Variants in CSMD1 observed in about 807,000 individuals in gnomAD.
CSMD1 encodes CUB and Sushi multiple domains 1, also known as CUB and sushi domain-containing protein 1.
A neutral mutation model predicts 417.5 loss-of-function variants in CSMD1; 213 were observed. The ratio of observed to expected loss-of-function variants is 0.51; its 90% confidence interval spans 0.46 to 0.57. The LOEUF is 0.57. CSMD1 is among the 20% of genes least tolerant of loss of function. The pLI, the probability that CSMD1 is intolerant of heterozygous loss-of-function variation, is 0.00. For missense variants in CSMD1, 6,923 were observed against 4,529.7 expected, an observed-to-expected ratio of 1.53 and a Z score of -15.17; for synonymous variants, 2,862 against 1,736.8, an observed-to-expected ratio of 1.65 and a Z score of -16.11.
At chr8:3,073,228 A>C (rs755320175) in intron 49 of CSMD1, among the ~76,000 whole-genome samples, 7 of 152,254 alleles carry the variant, frequency 4.6e-5, no homozygotes, top group Non-Finnish European at 5.9e-5. Context: ...TGGACTTGGC[A>C]TAGGAAATCA....
intron 2 of CSMD1, among the ~76,000 whole-genome samples, chr8:4,578,682 G>T (rs972161839): frequency 6.6e-6 from 1 of 150,724 alleles, no homozygotes; most frequent in African/African-American, 2.4e-5. Flanking sequence ...GGACATGGTG[G>T]CAGGTCCTGT....
At chr8:3,971,976 G>A (rs1412971462) in intron 5 of CSMD1, among the ~76,000 whole-genome samples, 2 of 151,854 alleles carry the variant, frequency 1.3e-5, no homozygotes, top group African/African-American at 4.8e-5. Context: ...GGGTGATCCT[G>A]GCTCACTGCA....
At position 3,018,670 on chromosome 8, in the gene CSMD1, A is replaced by G; in HGVS notation, c.7856-20T>C. On this transcript the variant is annotated intron_variant, in intron 51 of 69. Transcript: ENST00000635120. ...AGATAACTAGAAGGAAAAACAATAA[A>G]ATGAACATCAATTCAGTTATGCAGA... 1.2e-6 allele frequency: 2 copies of G among 1,602,316 alleles called. No homozygotes were observed. Among genetic ancestry groups the G allele is most frequent in the Non-Finnish European group, 1.7e-6 (2 of 1,171,798 alleles).
chr8:4,006,451 G>A (rs185004141), intron 4 of CSMD1, among the ~76,000 whole-genome samples: 142 of 152,270 alleles, frequency 9.3e-4, no homozygotes, highest in Non-Finnish European at 1.1e-3. Flanking sequence ...GGCTGAGGCC[G>A]AAGAATCGCT....
intron 1 of CSMD1, among the ~76,000 whole-genome samples, chr8:4,987,455 A>C (rs1249501236): frequency 6.6e-6 from 1 of 152,196 alleles, no homozygotes; most frequent in Non-Finnish European, 1.5e-5. Context: ...CATGGTTTAT[A>C]ATTATCTGAA....
At chr8:3,968,909 T>A (rs1176265755) in intron 5 of CSMD1, among the ~76,000 whole-genome samples, 1 of 152,120 alleles carries the variant, frequency 6.6e-6, no homozygotes, top group Non-Finnish European at 1.5e-5. Flanking sequence ...ATGTAATGAT[T>A]TATCTCAAAG....
At chr8:4,773,430 G>A (rs1376531042) in intron 1 of CSMD1, among the ~76,000 whole-genome samples, 2 of 152,068 alleles carry the variant, frequency 1.3e-5, no homozygotes, top group African/African-American at 4.8e-5. Context: ...CTAACGTATC[G>A]CTGTTTGGGG....
chr8:4,320,279 A>C (rs909883962), intron 3 of CSMD1, among the ~76,000 whole-genome samples: 2 of 152,220 alleles, frequency 1.3e-5, no homozygotes, highest in African/African-American at 4.8e-5. Context: ...GTAGGAAAAT[A>C]AAATGAATAC....
intron 26 of CSMD1, among the ~76,000 whole-genome samples, chr8:3,268,911 G>A (rs1801635027): frequency 6.6e-6 from 1 of 152,116 alleles, no homozygotes; most frequent in African/African-American, 2.4e-5. Context: ...GGCCATAAGT[G>A]ATATTCCAGC....
intron 1 of CSMD1, among the ~76,000 whole-genome samples, chr8:4,882,032 G>A (rs1321956651): frequency 3.3e-5 from 5 of 152,016 alleles, no homozygotes; most frequent in Admixed American, 1.3e-4. Flanking sequence ...GCAATCCTGG[G>A]CAAGTAATCT....
At chr8:3,582,914 C>T (rs915930945) in intron 9 of CSMD1, among the ~76,000 whole-genome samples, 1 of 152,186 alleles carries the variant, frequency 6.6e-6, no homozygotes, top group South Asian at 2.1e-4. Context: ...CCAGCACTAA[C>T]TTAGGTGCTC....
chr8:4,181,367 A>ATTTT (rs397790425), intron 3 of CSMD1, among the ~76,000 whole-genome samples: 3 of 150,294 alleles, frequency 2.0e-5, no homozygotes, highest in African/African-American at 7.4e-5. Context: ...TTATTTATTT[A>ATTTT]TTTTTTTTTT....
At chr8:3,792,319 G>A (rs148840926) in intron 5 of CSMD1, among the ~76,000 whole-genome samples, 2 of 151,868 alleles carry the variant, frequency 1.3e-5, no homozygotes, top group Admixed American at 6.6e-5. Context: ...AAACTTCCTG[G>A]GAGATAATAA....
chr8:3,150,133 C>A (rs1182712906), intron 40 of CSMD1, among the ~76,000 whole-genome samples: 1 of 152,202 alleles, frequency 6.6e-6, no homozygotes, highest in Admixed American at 6.5e-5. Context: ...TCATTTAGCC[C>A]TGGCAGAATC....
chr8:4,622,864 C>G (rs1428931284), intron 2 of CSMD1, among the ~76,000 whole-genome samples: 1 of 152,098 alleles, frequency 6.6e-6, no homozygotes, highest in Non-Finnish European at 1.5e-5. Flanking sequence ...ATAAAAATTT[C>G]TCATGGAATC....
intron 11 of CSMD1, among the ~76,000 whole-genome samples, chr8:3,474,724 T>C (rs896469867): frequency 6.6e-6 from 1 of 152,150 alleles, no homozygotes; most frequent in African/African-American, 2.4e-5. Flanking sequence ...CTATTAATGA[T>C]GTTAAGTGGG....
At chr8:4,313,393 G>C (rs1043656602) in intron 3 of CSMD1, among the ~76,000 whole-genome samples, 2 of 151,488 alleles carry the variant, frequency 1.3e-5, no homozygotes. Context: ...CTGCTTTTGA[G>C]AATGCGTTTA....
rs1403123554 is a variant in CSMD1 at position 4,078,891 on chromosome 8, TAATAAATATATATATATA to T, written c.416-46810_416-46793del. Among the ~76,000 whole-genome samples, 14 of 109,624 alleles carry T rather than the reference TAATAAATATATATATATA, an allele frequency of 1.3e-4. No homozygotes were observed. In the East Asian group the frequency reaches 3.5e-3, roughly 27 times the overall value. The allele number at this position is 109,624 out of a possible 152,430, so 71.9% of individuals were successfully genotyped here. On this transcript the variant is annotated intron_variant, in intron 3 of 69. Coordinates refer to ENST00000635120, the MANE Select transcript of CSMD1 (RefSeq NM_033225.6). ...TCTCTACTAAAATTAATAATAATAATAATAAATATATATATATATATATATATATATATATATATATAT... is the reference window on the plus strand; with the variant it reads ...TCTCTACTAAAATTAATAATAATAATTATATATATATATATATATATATAT...
intron 2 of CSMD1, among the ~76,000 whole-genome samples, chr8:4,572,748 G>A (rs1798948045): frequency 6.6e-6 from 1 of 152,108 alleles, no homozygotes; most frequent in Non-Finnish European, 1.5e-5. Flanking sequence ...TCACTTTCAG[G>A]TCCATCAATC....
Sources: gnomAD v4.1 joint callset for allele counts (sites outside exome capture counted in the v4.1 genomes callset) on GRCh38, gnomAD v4.1.1 for gene constraint, MANE v1.5 for transcripts, NCBI Gene and HGNC (gene_info 2026-07-23, HGNC 2026-07-21) for gene names.